The following FOCAD variants were observed in gnomAD, a reference collection of about 807,000 sequenced individuals.
FOCAD encodes KIAA1797.
FOCAD carries 198 observed loss-of-function variants against 225.6 expected under a neutral mutation model. The ratio of observed to expected loss-of-function variants is 0.88; its 90% CI spans 0.78 to 0.99. FOCAD has a LOEUF of 0.99. Among genes scored for constraint, FOCAD ranks in the 50% least tolerant of loss-of-function variants. The pLI is 0.00. For missense variants in FOCAD, 2,713 were observed against 2,123.6 expected, an observed-to-expected ratio of 1.28 and a Z score of -5.46; for synonymous variants, 897 against 755.0, an observed-to-expected ratio of 1.19 and a Z score of -3.08.
At chr9:20,901,192 A>ATGTG (rs71334562) in intron 21 of FOCAD, among the ~76,000 whole-genome samples, 2,174 of 105,682 alleles carry the variant, frequency 0.021, 20 homozygotes, top group African/African-American at 0.04. Flanking sequence ...TGTGGAAACA[A>ATGTG]TGTGTGTGTG....
intron 21 of FOCAD, among the ~76,000 whole-genome samples, chr9:20,888,532 A>G (rs538238788): frequency 9.9e-5 from 15 of 152,168 alleles, no homozygotes; most frequent in Non-Finnish European, 2.1e-4. Context: ...TTTTTGTTTA[A>G]TCCGAGATTA....
intron 11 of FOCAD, among the ~76,000 whole-genome samples, chr9:20,800,370 G>A (rs1364216143): frequency 2.0e-5 from 3 of 152,070 alleles, no homozygotes; most frequent in East Asian, 2.0e-4. Flanking sequence ...CATTCTCTGT[G>A]TTTCCTGAAT....
intron 1 of FOCAD, among the ~76,000 whole-genome samples, chr9:20,694,221 A>G (rs1016419266): frequency 6.6e-5 from 10 of 152,230 alleles, no homozygotes; most frequent in Admixed American, 3.3e-4. Flanking sequence ...AGTCTAGGGC[A>G]GAAAATTTTC....
chr9:20,804,088 G>T (rs1221639308), intron 11 of FOCAD, among the ~76,000 whole-genome samples: 2 of 151,964 alleles, frequency 1.3e-5, no homozygotes, highest in Admixed American at 6.5e-5. Flanking sequence ...CAGAAGGTGG[G>T]TTCGATTCAC....
chr9:20,767,512 C>T (rs1261595856), intron 7 of FOCAD, among the ~76,000 whole-genome samples: 1 of 151,644 alleles, frequency 6.6e-6, no homozygotes, highest in Non-Finnish European at 1.5e-5. Context: ...TTAATGATCG[C>T]CATTCTAACT....
At chr9:20,816,555 C>T (rs962945862) in intron 11 of FOCAD, among the ~76,000 whole-genome samples, 10 of 151,598 alleles carry the variant, frequency 6.6e-5, no homozygotes, top group Admixed American at 3.3e-4. Flanking sequence ...TGTGGTATAT[C>T]GTGGTCAGGG....
At chr9:20,834,737 C>A (rs888995943) in intron 15 of FOCAD, among the ~76,000 whole-genome samples, 7 of 151,954 alleles carry the variant, frequency 4.6e-5, no homozygotes, top group Non-Finnish European at 1.0e-4. Flanking sequence ...CAGAAAGGGA[C>A]AGGAGGAAAT....
intron 22 of FOCAD, among the ~76,000 whole-genome samples, chr9:20,907,748 CTCTTTACCCACCTAATTTTACTTGT>C (rs1833102355): frequency 6.6e-6 from 1 of 152,066 alleles, no homozygotes; most frequent in Non-Finnish European, 1.5e-5. Context: ...CTGCCACTCC[CTCTTTACCCACCTAATTTTACTTGT>C]TCTTTACCCA....
At chr9:20,689,058 G>A (rs1377471755) in intron 1 of FOCAD, among the ~76,000 whole-genome samples, 1 of 152,212 alleles carries the variant, frequency 6.6e-6, no homozygotes, top group Non-Finnish European at 1.5e-5. Flanking sequence ...ATAGAGCCAG[G>A]AGGAGCTGAA....
At chr9:20,913,010 G>T in intron 23 of FOCAD, 56 bp downstream of exon 23, 2 of 1,403,192 alleles carry the variant, frequency 1.4e-6, no homozygotes, top group South Asian at 2.4e-5. Flanking sequence ...GCTATGAGGG[G>T]AAAGGTAACT....
At chr9:20,679,450 T>C (rs1469098696), upstream of FOCAD, among the ~76,000 whole-genome samples, 1 of 152,162 alleles carries the variant, frequency 6.6e-6, no homozygotes, top group East Asian at 1.9e-4. Flanking sequence ...TGTGTCTCTC[T>C]CCTGATGCTG....
intron 7 of FOCAD, among the ~76,000 whole-genome samples, chr9:20,766,420 T>G (rs536378900): frequency 6.6e-6 from 1 of 152,338 alleles, no homozygotes; most frequent in African/African-American, 2.4e-5. Context: ...TCTTATACTC[T>G]CTGAAACATG....
At chr9:20,895,392 A>G (rs984795482) in intron 21 of FOCAD, among the ~76,000 whole-genome samples, 11 of 152,016 alleles carry the variant, frequency 7.2e-5, no homozygotes, top group African/African-American at 2.7e-4. Flanking sequence ...TTGAATGTAT[A>G]GATGAAGTTA....
chr9:20,693,264 C>T (rs145061369), intron 1 of FOCAD, among the ~76,000 whole-genome samples: 55 of 152,270 alleles, frequency 3.6e-4, no homozygotes, highest in South Asian at 8.3e-4. Flanking sequence ...CTACTCTTTC[C>T]GCCTAGAGTC....
chr9:20,894,742 T>A (rs1311016643), intron 21 of FOCAD, among the ~76,000 whole-genome samples: 1 of 152,122 alleles, frequency 6.6e-6, no homozygotes, highest in Non-Finnish European at 1.5e-5. Flanking sequence ...CTTTATCAGA[T>A]CTGCCTTTTG....
chr9:20,902,899 AATAG>A (rs1293981201), intron 21 of FOCAD, among the ~76,000 whole-genome samples: 4 of 151,954 alleles, frequency 2.6e-5, no homozygotes, highest in Non-Finnish European at 5.9e-5. Context: ...TGCAAAGTCT[AATAG>A]ATGGTGAGAG....
intron 19 of FOCAD, 179 bp downstream of exon 19, chr9:20,874,986 C>A (rs1451680597): frequency 1.2e-5 from 9 of 738,824 alleles, no homozygotes; most frequent in African/African-American, 5.4e-5. Flanking sequence ...GTGTTTAAAT[C>A]ATACGAAAAA....
intron 11 of FOCAD, among the ~76,000 whole-genome samples, chr9:20,796,553 C>T (rs1230599641): frequency 6.6e-6 from 1 of 152,186 alleles, no homozygotes; most frequent in Non-Finnish European, 1.5e-5. Flanking sequence ...ATTTGCATTT[C>T]TCTGATGGCC....
intron 5 of FOCAD, among the ~76,000 whole-genome samples, chr9:20,747,679 T>C (rs1412056397): frequency 6.6e-6 from 1 of 152,160 alleles, no homozygotes; most frequent in Non-Finnish European, 1.5e-5. Flanking sequence ...ACAGTGTGGC[T>C]TCTTTCACTT....
Sources: gnomAD v4.1 joint callset for allele counts (sites outside exome capture counted in the v4.1 genomes callset) on GRCh38, gnomAD v4.1.1 for gene constraint, MANE v1.5 for transcripts, NCBI Gene and HGNC (gene_info 2026-07-23, HGNC 2026-07-21) for gene names.